The following ZNF800 variants were observed in gnomAD, a reference collection of about 807,000 sequenced individuals.
ZNF800 encodes the protein zinc finger protein 800.
In ZNF800, 13 loss-of-function variants were observed where a neutral mutation model predicts 59.5. The observed-to-expected ratio is 0.22, with a 90% confidence interval of 0.14 to 0.35. The LOEUF (loss-of-function observed/expected upper bound fraction) is 0.35. ZNF800 is among the 10% of genes least tolerant of loss of function. ZNF800 has a pLI of 1.00. For synonymous variants in ZNF800, 266 were observed against 265.7 expected (o/e 1.00, Z -0.01); for missense variants, 621 against 783.7 (o/e 0.79, Z 2.48).
At position 127,373,408 on chromosome 7, in the gene ZNF800, T is replaced by C; in HGVS notation, c.1928A>G (p.Asn643Ser). 6.2e-7 allele frequency: 1 copy of C among 1,613,704 alleles called. No homozygotes were observed. Among genetic ancestry groups the C allele is most frequent in the Non-Finnish European group, 8.5e-7 (1 of 1,179,782 alleles). ...LEHHKKTHKA[N>S]ASNSPEGNKT... ...GTTTCCTTCAGGTGAATTGGAAGCA[T>C]TTGCCTTATGAGTTTTCTTATGATG... Residue 643 changes from asparagine to serine, a missense_variant, in exon 5 of 6, where the codon AAT (asparagine) becomes AGT (serine). Asn to Ser is a conservative substitution (Grantham distance 46). This residue lies in a region of ZNF800 where 94 missense variants were observed against 108.5 expected (regional missense o/e 0.87). Coordinates refer to ENST00000265827, the MANE Select transcript of ZNF800 (RefSeq NM_176814.5).
chr7:127,367,003 T>C (rs1168235505), downstream of ZNF800, among the ~76,000 whole-genome samples: 4 of 152,074 alleles, frequency 2.6e-5, no homozygotes, highest in Non-Finnish European at 5.9e-5. Flanking sequence ...TAAGACCATA[T>C]TGAGAAGATA....
At chr7:127,358,170 C>T (rs1243744193) in intron 1 of ZNF800, among the ~76,000 whole-genome samples, 1 of 151,962 alleles carries the variant, frequency 6.6e-6, no homozygotes, top group Non-Finnish European at 1.5e-5. Context: ...AAACTTAATT[C>T]AGCATTTCCC....
At chr7:127,386,848 T>C (rs1489139938) in intron 2 of ZNF800, among the ~76,000 whole-genome samples, 1 of 152,162 alleles carries the variant, frequency 6.6e-6, no homozygotes, top group African/African-American at 2.4e-5. Flanking sequence ...TGGCAATAAT[T>C]GTTAAGCAAC....
rs541729811 is a variant in ZNF800, at chr7:127,392,215, C to T, written c.-214G>A. 9.6e-4 allele frequency: 380 copies of T among 394,604 alleles called. 2 individuals carry two copies. The highest frequency in any genetic ancestry group is 4.5e-3 in the Admixed American group (102 of 22,568). The allele number at this position is 394,604 out of a possible 1,614,324, so 24.4% of individuals were successfully genotyped here. On this transcript the variant is annotated 5_prime_UTR_variant, in exon 1 of 6. Coordinates refer to ENST00000265827, the MANE Select transcript of ZNF800 (RefSeq NM_176814.5). ...CCCGGACTCGGGCCCGACGCGCTCCCAAAGAGTCCCCGCCGGCGCTGACGC... is the reference window on the plus strand; with the variant it reads ...CCCGGACTCGGGCCCGACGCGCTCCTAAAGAGTCCCCGCCGGCGCTGACGC...
chr7:127,356,263 G>A (rs769313995), intron 1 of ZNF800, among the ~76,000 whole-genome samples: 107 of 135,304 alleles, frequency 7.9e-4, no homozygotes, highest in Admixed American at 1.6e-3. Flanking sequence ...GTCTGTGTGT[G>A]TGTGTGTATG....
chr7:127,351,504 T>A (rs556354731), intron 1 of ZNF800: 1 of 152,266 alleles, frequency 6.6e-6, no homozygotes, highest in Non-Finnish European at 1.5e-5. Context: ...TTCCTGAATC[T>A]TCTTTGCAAC....
intron 3 of ZNF800, among the ~76,000 whole-genome samples, chr7:127,383,704 A>C (rs929481681): frequency 2.0e-5 from 3 of 152,232 alleles, no homozygotes; most frequent in Non-Finnish European, 2.9e-5. Context: ...AGAGATTACT[A>C]TCTTGAAGAA....
At chr7:127,383,422 T>C (rs191637497) in intron 3 of ZNF800, among the ~76,000 whole-genome samples, 1 of 152,332 alleles carries the variant, frequency 6.6e-6, no homozygotes. Context: ...CTGTCAAAGA[T>C]ATATAGCACC....
At chr7:127,345,209 T>C (rs1170996999), downstream of ZNF800, among the ~76,000 whole-genome samples, 1 of 152,170 alleles carries the variant, frequency 6.6e-6, no homozygotes, top group African/African-American at 2.4e-5. Context: ...TGTCAAATAT[T>C]GTGCTACAGG....
At chr7:127,344,090 CAT>C (rs1274587904), downstream of ZNF800, among the ~76,000 whole-genome samples, 1 of 151,926 alleles carries the variant, frequency 6.6e-6, no homozygotes, top group African/African-American at 2.4e-5. Flanking sequence ...TTATTTAACA[CAT>C]GAGGTATAAA....
chr7:127,365,803 C>T (rs146735492), downstream of ZNF800, among the ~76,000 whole-genome samples: 978 of 152,180 alleles, frequency 6.4e-3, 13 homozygotes, highest in African/African-American at 0.018. Flanking sequence ...TTTCATTTAA[C>T]GGTTGGATTA....
chr7:127,381,939 A>G (rs1165174719), intron 3 of ZNF800, among the ~76,000 whole-genome samples: 1 of 151,960 alleles, frequency 6.6e-6, no homozygotes, highest in Non-Finnish European at 1.5e-5. Flanking sequence ...GAAAAAAAAA[A>G]GCCTAAGTTA....
chr7:127,345,798 A>T (rs2117000183), downstream of ZNF800, among the ~76,000 whole-genome samples: 1 of 152,288 alleles, frequency 6.6e-6, no homozygotes, highest in African/African-American at 2.4e-5. Flanking sequence ...AGTGGTTAAG[A>T]GTGGTAGCAG....
At chr7:127,360,195 G>T (rs775103293) in intron 1 of ZNF800, 7 of 152,070 alleles carry the variant, frequency 4.6e-5, no homozygotes, top group Non-Finnish European at 7.4e-5. Flanking sequence ...AAAATATATA[G>T]GAGCTTGGAC....
intron 3 of ZNF800, among the ~76,000 whole-genome samples, chr7:127,380,296 A>T (rs931335254): frequency 6.6e-6 from 1 of 152,188 alleles, no homozygotes; most frequent in Non-Finnish European, 1.5e-5. Context: ...AGCTCTCAGG[A>T]TAATGCATGA....
Position 127,371,693 on chromosome 7 carries a change from G to GA in ZNF800, c.*120dup, listed in dbSNP as rs1260137916. Reference sequence around the variant, plus strand: ...AACAGCAGTTATAGTTGAATATTTAGAAAAATGTTTTTCTTTTTTTCCTCA... The same window carrying GA: ...AACAGCAGTTATAGTTGAATATTTAGAAAAAATGTTTTTCTTTTTTTCCTCA... On this transcript the variant is annotated 3_prime_UTR_variant, in exon 6 of 6. Transcript: ENST00000265827. 12 of 580,520 alleles carry GA rather than the reference G, an allele frequency of 2.1e-5. No individual in the cohort carries two copies. Among genetic ancestry groups the GA allele is most frequent in the Middle Eastern group, 3.5e-4 (1 of 2,850 alleles). 36.0% of individuals were successfully genotyped at this position (580,520 alleles called of 1,614,324 possible).
chr7:127,366,737 C>T (rs1183227009), downstream of ZNF800, among the ~76,000 whole-genome samples: 1 of 152,056 alleles, frequency 6.6e-6, no homozygotes, highest in Admixed American at 6.6e-5. Flanking sequence ...TCTATGGGGC[C>T]CAGGGCCATG....
At chr7:127,386,313 ATAAT>A (rs1296116781) in intron 2 of ZNF800, among the ~76,000 whole-genome samples, 158 bp from the exon 3 acceptor site, 1 of 152,204 alleles carries the variant, frequency 6.6e-6, no homozygotes, top group Non-Finnish European at 1.5e-5. Flanking sequence ...AGATATATAT[ATAAT>A]TAACCATCAT....
At chr7:127,363,870 AAGG>A (rs1431918035) in intron 1 of ZNF800, 10 of 152,068 alleles carry the variant, frequency 6.6e-5, no homozygotes, top group African/African-American at 2.4e-4. Flanking sequence ...AAAGGGGACA[AAGG>A]ACAAGGGGTT....
Sources: allele counts gnomAD v4.1 joint callset (sites outside exome capture counted in the v4.1 genomes callset), GRCh38; gene constraint gnomAD v4.1.1; regional missense constraint gnomAD v4.1.1; transcripts MANE v1.5; gene names NCBI Gene and HGNC (gene_info 2026-07-23, HGNC 2026-07-21).